Variants in NR2F1-AS1 observed in about 807,000 individuals in gnomAD.
The protein encoded by NR2F1-AS1 is NR2F1 regulatory antisense RNA 1, also known as NR2F1 antisense RNA 1.
intron 4 of NR2F1-AS1, among the ~76,000 whole-genome samples, chr5:93,532,728 G>A (rs563195925): frequency 1.3e-5 from 2 of 152,244 alleles, no homozygotes; most frequent in East Asian, 3.8e-4. Flanking sequence ...CAGAAACCAT[G>A]AGCCTCAGAT....
At chr5:93,481,935 G>A (rs1750608448) in intron 4 of NR2F1-AS1, among the ~76,000 whole-genome samples, 1 of 151,998 alleles carries the variant, frequency 6.6e-6, no homozygotes, top group South Asian at 2.1e-4. Context: ...TTTTATAGCT[G>A]TAAACACCTA....
intron 1 of NR2F1-AS1, among the ~76,000 whole-genome samples, chr5:93,569,054 A>C (rs1475495866): frequency 1.3e-5 from 2 of 152,140 alleles, no homozygotes; most frequent in East Asian, 3.8e-4. Flanking sequence ...TAGGAAAAGC[A>C]ATGACTTTCT....
chr5:93,427,514 C>T (rs1463213976), intron 4 of NR2F1-AS1, among the ~76,000 whole-genome samples: 1 of 152,154 alleles, frequency 6.6e-6, no homozygotes, highest in African/African-American at 2.4e-5. Flanking sequence ...TGATCTTTCA[C>T]CCCAGCTACA....
intron 4 of NR2F1-AS1, among the ~76,000 whole-genome samples, chr5:93,470,463 C>T (rs1750342677): frequency 6.6e-6 from 1 of 151,746 alleles, no homozygotes; most frequent in Non-Finnish European, 1.5e-5. Context: ...GGAAGCTGTA[C>T]TAAATGCAGC....
intron 4 of NR2F1-AS1, chr5:93,496,156 A>G (rs890034088): frequency 1.6e-4 from 24 of 152,184 alleles, no homozygotes; most frequent in African/African-American, 5.8e-4. Context: ...CAATTCCTTT[A>G]TTCATTCATA....
chr5:93,585,186 C>G (rs1255926321), upstream of NR2F1-AS1: 1 of 1,518,194 alleles, frequency 6.6e-7, no homozygotes, highest in African/African-American at 1.4e-5. Context: ...GCCGCAGACC[C>G]CGGGCCAGCC....
chr5:93,454,372 G>A (rs1432225172), intron 4 of NR2F1-AS1, among the ~76,000 whole-genome samples: 1 of 152,120 alleles, frequency 6.6e-6, no homozygotes, highest in Non-Finnish European at 1.5e-5. Context: ...AAGCTTTTGT[G>A]ATTTAATAAA....
At chr5:93,458,983 G>C (rs942508881) in intron 4 of NR2F1-AS1, among the ~76,000 whole-genome samples, 1 of 152,084 alleles carries the variant, frequency 6.6e-6, no homozygotes, top group Non-Finnish European at 1.5e-5. Flanking sequence ...TTGCACTCCA[G>C]CCTGAGCGAC....
chr5:93,454,073 A>G (rs1270840105), intron 4 of NR2F1-AS1, among the ~76,000 whole-genome samples: 1 of 152,154 alleles, frequency 6.6e-6, no homozygotes, highest in Non-Finnish European at 1.5e-5. Context: ...CAGGAGTTTG[A>G]GACAAGCCTG....
intron 2 of NR2F1-AS1, among the ~76,000 whole-genome samples, chr5:93,557,313 C>G (rs568492144): frequency 6.6e-6 from 1 of 152,206 alleles, no homozygotes; most frequent in South Asian, 2.1e-4. Context: ...TTGGTATAGA[C>G]CAGGAATGGG....
At chr5:93,502,423 A>C (rs986089978) in intron 4 of NR2F1-AS1, among the ~76,000 whole-genome samples, 3 of 152,186 alleles carry the variant, frequency 2.0e-5, no homozygotes, top group Non-Finnish European at 4.4e-5. Context: ...CCAAAGTTAC[A>C]AGAGTATATG....
At chr5:93,414,536 C>G (rs1748927568) in intron 4 of NR2F1-AS1, among the ~76,000 whole-genome samples, 1 of 152,170 alleles carries the variant, frequency 6.6e-6, no homozygotes, top group Non-Finnish European at 1.5e-5. Context: ...CCAGCAGTCT[C>G]CGATCTGTGT....
At chr5:93,519,342 T>C (rs1580297102) in intron 4 of NR2F1-AS1, among the ~76,000 whole-genome samples, 1 of 152,024 alleles carries the variant, frequency 6.6e-6, no homozygotes, top group East Asian at 1.9e-4. Flanking sequence ...TGGCCAAATC[T>C]TTATATGCAT....
chr5:93,496,645 G>A (rs551954745), intron 4 of NR2F1-AS1, among the ~76,000 whole-genome samples: 6 of 152,224 alleles, frequency 3.9e-5, no homozygotes, highest in Non-Finnish European at 7.4e-5. Context: ...TGTTTCCAAT[G>A]TCTTCCTGGC....
intron 1 of NR2F1-AS1, among the ~76,000 whole-genome samples, chr5:93,564,252 CATT>C (rs1752567601): frequency 6.7e-6 from 1 of 148,856 alleles, no homozygotes; most frequent in Non-Finnish European, 1.5e-5. Flanking sequence ...CCCAAGTATG[CATT>C]TGTAGAAGGA....
intron 3 of NR2F1-AS1, among the ~76,000 whole-genome samples, chr5:93,554,184 T>A (rs1752296973): frequency 6.6e-6 from 1 of 152,180 alleles, no homozygotes; most frequent in African/African-American, 2.4e-5. Context: ...ATAATGATGA[T>A]GCTCAAAACA....
At chr5:93,512,201 T>C (rs1178872469) in intron 4 of NR2F1-AS1, among the ~76,000 whole-genome samples, 1 of 152,114 alleles carries the variant, frequency 6.6e-6, no homozygotes, top group African/African-American at 2.4e-5. Context: ...GACAACGATA[T>C]TGATGATCCT....
rs373410892 is a variant in NR2F1-AS1 at position 93,529,904 on chromosome 5, A to C, written n.638+23857T>G. Among the ~76,000 whole-genome samples, 90 of 152,190 alleles carry C rather than the reference A, an allele frequency of 5.9e-4. No homozygotes were observed. In the South Asian group the frequency reaches 0.018, roughly 31 times the overall value. On this transcript the variant is annotated intron_variant and non_coding_transcript_variant, in intron 4 of 5. Transcript: ENST00000660523. Reference sequence around the variant, plus strand: ...ACATTAATTGACTCATTGTACCCTTACATCAGCTCTGTATCCCATTTTACA... The same window carrying C: ...ACATTAATTGACTCATTGTACCCTTCCATCAGCTCTGTATCCCATTTTACA...
chr5:93,543,506 A>C (rs1752003870), intron 4 of NR2F1-AS1: 1 of 152,194 alleles, frequency 6.6e-6, no homozygotes, highest in Non-Finnish European at 1.5e-5. Context: ...TCAGACCCAG[A>C]AAATGACAGA....
Sources: gnomAD v4.1 joint callset for allele counts (sites outside exome capture counted in the v4.1 genomes callset) on GRCh38, gnomAD v4.1.1 for gene constraint, MANE v1.5 for transcripts, NCBI Gene and HGNC (gene_info 2026-07-23, HGNC 2026-07-21) for gene names.